CACNA1E: variants seen among roughly 807,000 people sequenced by gnomAD.
CACNA1E encodes the protein voltage-dependent R-type calcium channel subunit alpha-1E.
In CACNA1E, 40 loss-of-function variants were observed where a neutral mutation model predicts 259.2. The observed-to-expected ratio is 0.15, with a 90% CI of 0.12 to 0.20. The LOEUF is 0.20. CACNA1E is among the 10% of genes least tolerant of loss of function. CACNA1E has a pLI of 1.00. For synonymous variants in CACNA1E, 1,104 were observed against 1,138.5 expected, an observed-to-expected ratio of 0.97 and a Z score of 0.61; for missense variants, 1,874 against 3,040.1, an observed-to-expected ratio of 0.62 and a Z score of 9.02.
At chr1:181,444,328 TA>T (rs11370051) in intron 2 of CACNA1E, among the ~76,000 whole-genome samples, 5,929 of 145,970 alleles carry the variant, frequency 0.041, 291 homozygotes, top group African/African-American at 0.12. Context: ...ACTGTGCTAT[TA>T]AAAAAAAAAA....
chr1:181,384,245 A>G (rs955996959), intron 1 of CACNA1E, among the ~76,000 whole-genome samples: 22 of 152,310 alleles, frequency 1.4e-4, no homozygotes, highest in Non-Finnish European at 1.5e-4. Context: ...TATCTATGCC[A>G]TAAAGTGAGG....
intron 32 of CACNA1E, among the ~76,000 whole-genome samples, chr1:181,760,515 C>G (rs1658491353): frequency 6.6e-6 from 1 of 151,310 alleles, no homozygotes; most frequent in Non-Finnish European, 1.5e-5. Context: ...AAAGATTACA[C>G]AATGAAAGGC....
chr1:181,607,442 T>C lies in CACNA1E; in HGVS notation c.951+26666T>C, dbSNP rs138430756. On this transcript the variant is annotated intron_variant, in intron 6 of 47. Coordinates refer to ENST00000367573, the MANE Select transcript of CACNA1E (RefSeq NM_001205293.3). The stretch of plus-strand genomic sequence containing the variant: ...AGACATGTATGTACCTTTCAGTCCC[T>C]GTCTAGGTGGATGCACCTTCCTCCC... Among the ~76,000 whole-genome samples, 1,383 of 152,346 alleles carry C rather than the reference T, an allele frequency of 9.1e-3. 12 individuals are homozygous for C. The highest frequency in any genetic ancestry group is 0.011 in the Non-Finnish European group (772 of 68,036).
chr1:181,786,088 G>T (rs1553356694), intron 43 of CACNA1E, among the ~76,000 whole-genome samples: 1 of 152,064 alleles, frequency 6.6e-6, no homozygotes, highest in Non-Finnish European at 1.5e-5. Context: ...AATATACTTG[G>T]GTCTTATAGA....
In CACNA1E at chr1:181,771,396, C is replaced by T. The variant is rs369376197; in HGVS notation, c.4973+12C>T. ...ATGCTACTCTTCAGGTACCTGGATGCGTAACTGTCATAGCTGGGGTTCTCC... is the reference window on the plus strand; with the variant it reads ...ATGCTACTCTTCAGGTACCTGGATGTGTAACTGTCATAGCTGGGGTTCTCC... On this transcript the variant is annotated intron_variant, in intron 36 of 47. Transcript: ENST00000367573. 48 of 1,452,480 alleles carry T rather than the reference C, an allele frequency of 3.3e-5. No individual in the cohort carries two copies. Among genetic ancestry groups the T allele is most frequent in the African/African-American group, 1.3e-4 (9 of 71,778 alleles). The allele number at this position is 1,452,480 out of a possible 1,614,324, so 90.0% of individuals were successfully genotyped here. A position where few individuals can be genotyped will look rare whatever the true frequency, so the allele number is the denominator to read the frequency against.
intron 7 of CACNA1E, among the ~76,000 whole-genome samples, chr1:181,658,144 C>G (rs1162295081): frequency 6.6e-6 from 1 of 152,214 alleles, no homozygotes; most frequent in East Asian, 1.9e-4. Flanking sequence ...GTGGTGCCAA[C>G]AAAAGCCACT....
chr1:181,717,704 A>G (rs1178225593), intron 11 of CACNA1E, among the ~76,000 whole-genome samples: 1 of 152,106 alleles, frequency 6.6e-6, no homozygotes, highest in Non-Finnish European at 1.5e-5. Flanking sequence ...ACTGGGTGTG[A>G]GTGAGGGTCA....
upstream of CACNA1E, among the ~76,000 whole-genome samples, chr1:181,478,919 G>A (rs1342349062): frequency 6.6e-6 from 1 of 152,234 alleles, no homozygotes; most frequent in Non-Finnish European, 1.5e-5. Context: ...AGAGGCTGGA[G>A]GGACTACCTA....
intron 1 of CACNA1E, among the ~76,000 whole-genome samples, chr1:181,372,700 C>T (rs1039458386): frequency 6.6e-6 from 1 of 151,918 alleles, no homozygotes; most frequent in Non-Finnish European, 1.5e-5. Flanking sequence ...ATGCGTCCAG[C>T]TTTTGCTCAT....
In CACNA1E at chr1:181,483,703, C is replaced by G. The variant is rs760624104; in HGVS notation, c.-42C>G. ...TTGTTGCTGTGTGCGGGTGTTCGGC[C>G]GCGATCACCTTTGTGTGTCTTCTGT... On this transcript the variant is annotated 5_prime_UTR_variant, in exon 1 of 48. Transcript: ENST00000367573. 1 of 1,499,806 alleles carries G rather than the reference C, an allele frequency of 6.7e-7. No homozygotes were observed. The highest frequency in any genetic ancestry group is 9.0e-7 in the Non-Finnish European group (1 of 1,112,534). 92.9% of individuals were successfully genotyped at this position (1,499,806 alleles called of 1,614,324 possible).
intron 1 of CACNA1E, among the ~76,000 whole-genome samples, chr1:181,380,394 T>G (rs2609490): frequency 2.0e-5 from 3 of 151,862 alleles, no homozygotes; most frequent in Non-Finnish European, 4.4e-5. Flanking sequence ...CAAAGTAAGT[T>G]CAAGAAAATA....
At chr1:181,467,531 T>G (rs1439841768) in intron 2 of CACNA1E, among the ~76,000 whole-genome samples, 1 of 152,148 alleles carries the variant, frequency 6.6e-6, no homozygotes, top group African/African-American at 2.4e-5. Flanking sequence ...TGAGGTCACT[T>G]TTTCTTTTCA....
At chr1:181,572,325 G>C (rs1488254954) in intron 3 of CACNA1E, among the ~76,000 whole-genome samples, 1 of 152,186 alleles carries the variant, frequency 6.6e-6, no homozygotes, top group African/African-American at 2.4e-5. Flanking sequence ...ACTGTGCTAT[G>C]GCCACAATGA....
chr1:181,654,283 TA>T (rs1659010478), intron 7 of CACNA1E, among the ~76,000 whole-genome samples: 1 of 150,948 alleles, frequency 6.6e-6, no homozygotes, highest in Non-Finnish European at 1.5e-5. Flanking sequence ...AATGTAAAAA[TA>T]TAAGAATGTA....
At chr1:181,366,646 A>G (rs1654287970) in intron 1 of CACNA1E, among the ~76,000 whole-genome samples, 1 of 152,022 alleles carries the variant, frequency 6.6e-6, no homozygotes, top group Non-Finnish European at 1.5e-5. Context: ...GCCGACTGCA[A>G]TTGCAAGGAT....
At chr1:181,632,059 C>T (rs1056234607) in intron 6 of CACNA1E, among the ~76,000 whole-genome samples, 3 of 152,044 alleles carry the variant, frequency 2.0e-5, no homozygotes, top group Non-Finnish European at 4.4e-5. Flanking sequence ...CCAGTGTAGC[C>T]CCAAAGACTT....
chr1:181,342,310 A>T (rs1034033576), intron 1 of CACNA1E, among the ~76,000 whole-genome samples: 1 of 152,254 alleles, frequency 6.6e-6, no homozygotes, highest in African/African-American at 2.4e-5. Context: ...GTATGATAAG[A>T]TGATTTTTGG....
At chr1:181,596,557 C>T (rs1165649333) in intron 6 of CACNA1E, among the ~76,000 whole-genome samples, 14 of 140,594 alleles carry the variant, frequency 1.0e-4, no homozygotes, top group South Asian at 2.4e-4. Context: ...CCACCATGTA[C>T]GTGTGTGTGT....
intron 1 of CACNA1E, among the ~76,000 whole-genome samples, chr1:181,364,377 G>A (rs1321024048): frequency 6.6e-6 from 1 of 152,180 alleles, no homozygotes; most frequent in African/African-American, 2.4e-5. Context: ...GTGTGGGCAG[G>A]ATCTCTGTTT....
Sources: gnomAD v4.1 joint callset for allele counts (sites outside exome capture counted in the v4.1 genomes callset) on GRCh38, gnomAD v4.1.1 for gene constraint, MANE v1.5 for transcripts, NCBI Gene and HGNC (gene_info 2026-07-23, HGNC 2026-07-21) for gene names.